Variants in CRACR2A observed in about 807,000 individuals in gnomAD.
CRACR2A encodes the protein calcium release activated channel regulator 2A, also known as EF-hand calcium-binding domain-containing protein 4B.
Under a neutral mutation model 90.5 loss-of-function variants are expected in CRACR2A, and 79 were observed. The observed-to-expected ratio is 0.87, with a 90% CI of 0.73 to 1.05. The LOEUF is 1.05. CRACR2A is among the 50% of genes least tolerant of loss of function. The pLI is 0.00. For synonymous variants in CRACR2A, 338 were observed against 356.7 expected (o/e 0.95, Z 0.59); for missense variants, 823 against 897.2 (o/e 0.92, Z 1.06).
chr12:3,637,106 C>G (rs549465463), intron 14 of CRACR2A, among the ~76,000 whole-genome samples: 2 of 152,282 alleles, frequency 1.3e-5, no homozygotes, highest in Admixed American at 6.5e-5. Flanking sequence ...ATATGGTCTC[C>G]CTTTTCCTAC....
intron 2 of CRACR2A, chr12:3,732,301 CTGAT>C (rs1302143729): frequency 2.0e-5 from 3 of 152,198 alleles, no homozygotes; most frequent in African/African-American, 4.8e-5. Flanking sequence ...AGTTGACAAT[CTGAT>C]TGAAGATTCA....
intron 4 of CRACR2A, among the ~76,000 whole-genome samples, chr12:3,696,400 AT>A (rs1416435187): frequency 6.6e-6 from 1 of 152,218 alleles, no homozygotes. Context: ...GGCTGTACCT[AT>A]TCCTAAGGTA....
rs748460399 is a variant in CRACR2A at position 3,696,855 on chromosome 12, G to C, written c.145C>G (p.Leu49Val). The C allele has an allele frequency of 5.6e-6, 9 of 1,614,196 alleles. 1 individual carries two copies. In the Admixed American group the frequency reaches 1.3e-4, roughly 24 times the overall value. Residue 49 changes from leucine (L) to valine (V), a missense_variant, in exon 4 of 20, where the codon CTA becomes GTA. Physicochemically the swap from Leu to Val is conservative, Grantham distance 32 (BLOSUM62 1). Transcript: ENST00000440314. The part of the protein sequence containing the change: ...KETQEQTSGQ[L>V]VMLRKAQEFF... ...TCCTGTGCCTTCCTCAGCATGACTA[G>C]CTGGCCCGACGTTTGCTCCTGAGTC...
intron 14 of CRACR2A, among the ~76,000 whole-genome samples, chr12:3,636,176 G>T (rs1944451100): frequency 6.6e-6 from 1 of 152,132 alleles, no homozygotes. Context: ...TAGAAGTGCT[G>T]GTTCAAAGGA....
At chr12:3,652,061 TTC>T (rs978395724) in intron 10 of CRACR2A, among the ~76,000 whole-genome samples, 1 of 152,158 alleles carries the variant, frequency 6.6e-6, no homozygotes, top group Admixed American at 6.5e-5. Context: ...GGAGTCATAT[TTC>T]TCTCTTCCTC....
In CRACR2A at chr12:3,679,257, C is replaced by T. The variant is rs140542786; in HGVS notation, c.341-159G>A. Reference sequence around the variant, plus strand: ...ATCCATGGACATGGGTCCGTGGACACGTTCCAGATTCTGTGACTTTTCCAC... The same window carrying T: ...ATCCATGGACATGGGTCCGTGGACATGTTCCAGATTCTGTGACTTTTCCAC... On this transcript the variant is annotated intron_variant, in intron 5 of 19. Transcript: ENST00000440314. 5.3e-5 allele frequency among the ~76,000 whole-genome samples: 8 copies of T among 152,284 alleles called. No homozygotes were observed. The East Asian group carries it at 1.5e-3, about 29-fold the overall frequency.
Position 3,617,024 on chromosome 12 carries a change from T to G in CRACR2A, c.2041A>C (p.Asn681His). ...GLGEQLATEN[N>H]LIFYECSAYS... The stretch of plus-strand genomic sequence containing the variant: ...GCGCTGCATTCATAGAAGATCAGAT[T>G]GTTCTCCTAGAATCATAAAACAGAG... The change falls in exon 19 of 20, where the codon AAT becomes CAT. Residue 681 changes from asparagine (N) to histidine (H), a missense_variant. Coordinates refer to ENST00000440314, the MANE Select transcript of CRACR2A (RefSeq NM_001144958.2). 6.4e-7 allele frequency: 1 copy of G among 1,551,238 alleles called. No individual in the cohort carries two copies.
chr12:3,692,507 C>T lies in CRACR2A; in HGVS notation c.228+4265G>A, dbSNP rs1945666271. Among the ~76,000 whole-genome samples the T allele has an allele frequency of 1.6e-4, 14 of 90,214 alleles. No individual in the cohort carries two copies. In the Admixed American group the frequency reaches 2.5e-3, roughly 16 times the overall value. 59.2% of individuals were successfully genotyped at this position (90,214 alleles called of 152,430 possible). Reference sequence around the variant, plus strand: ...GGCTCCTCAAGGTTAGGAATCCACGCTGGGGGTGGGGGTGGGGTTGGGGGT... The same window carrying T: ...GGCTCCTCAAGGTTAGGAATCCACGTTGGGGGTGGGGGTGGGGTTGGGGGT... On this transcript the variant is annotated intron_variant, in intron 4 of 19. Coordinates refer to ENST00000440314, the MANE Select transcript of CRACR2A (RefSeq NM_001144958.2).
At chr12:3,660,880 AC>A (rs1565479260) in intron 7 of CRACR2A, among the ~76,000 whole-genome samples, 1 of 108,970 alleles carries the variant, frequency 9.2e-6, no homozygotes, top group Non-Finnish European at 2.0e-5. Context: ...ACACACACAC[AC>A]ACACACAATT....
At chr12:3,739,706 C>T (rs963906094) in intron 1 of CRACR2A, among the ~76,000 whole-genome samples, 3 of 151,982 alleles carry the variant, frequency 2.0e-5, no homozygotes, top group Non-Finnish European at 4.4e-5. Flanking sequence ...GAGGCCGAGG[C>T]GGGTGGATCA....
chr12:3,680,155 G>C, intron 5 of CRACR2A, 83 bp downstream of exon 5: 1 of 1,141,184 alleles, frequency 8.8e-7, no homozygotes, highest in Non-Finnish European at 1.3e-6. Flanking sequence ...CTGCCCCCCA[G>C]GTCTACAAGG....
rs959061997 is a variant in CRACR2A, at chr12:3,658,356, G to A, written c.762+1208C>T. Among the ~76,000 whole-genome samples, 102 of 152,214 alleles carry A rather than the reference G, an allele frequency of 6.7e-4. 2 individuals are homozygous for A. The highest frequency in any genetic ancestry group is 7.7e-4 in the East Asian group (4 of 5,162). ...AGCCTCTCTGTGCAGGATGTCATTCGGGATAAAGGGGGTGGCTGTCCGATG... is the reference window on the plus strand; with the variant it reads ...AGCCTCTCTGTGCAGGATGTCATTCAGGATAAAGGGGGTGGCTGTCCGATG... On this transcript the variant is annotated intron_variant, in intron 8 of 19. Coordinates refer to ENST00000440314, the MANE Select transcript of CRACR2A (RefSeq NM_001144958.2).
intron 7 of CRACR2A, among the ~76,000 whole-genome samples, chr12:3,665,675 G>A (rs1945121670): frequency 6.6e-6 from 1 of 152,154 alleles, no homozygotes; most frequent in African/African-American, 2.4e-5. Flanking sequence ...GGGGGGTGGA[G>A]GATCAAGTGG....
chr12:3,673,412 A>G (rs763696803), intron 7 of CRACR2A, 34 bp downstream of exon 7: 1 of 1,591,590 alleles, frequency 6.3e-7, no homozygotes, highest in Non-Finnish European at 8.5e-7. Flanking sequence ...TTTCACACAT[A>G]GTTACAGAAA....
At chr12:3,731,652 C>T (rs1946362569) in intron 2 of CRACR2A, 1 of 152,264 alleles carries the variant, frequency 6.6e-6, no homozygotes, top group Non-Finnish European at 1.5e-5. Flanking sequence ...CATTGAAGTC[C>T]TAACCCCTAG....
chr12:3,653,249 G>A (rs925266338), intron 10 of CRACR2A, among the ~76,000 whole-genome samples: 3 of 152,106 alleles, frequency 2.0e-5, no homozygotes, highest in Non-Finnish European at 1.5e-5. Context: ...CCAAAGTGCT[G>A]GGATTACAGG....
rs1433286800 is a variant in CRACR2A at position 3,660,849 on chromosome 12, C to T, written c.672-1195G>A. Among the ~76,000 whole-genome samples, 6 of 137,900 alleles carry T rather than the reference C, an allele frequency of 4.4e-5. No individual in the cohort carries two copies. In the South Asian group the frequency reaches 9.3e-4, roughly 21 times the overall value. The allele number at this position is 137,900 out of a possible 152,430, so 90.5% of individuals were successfully genotyped here. A position where few individuals can be genotyped will look rare whatever the true frequency, so the allele number is the denominator to read the frequency against. ...CATGCAACACACACACACACACACACACACACACACACACACACACACACA... is the reference window on the plus strand; with the variant it reads ...CATGCAACACACACACACACACACATACACACACACACACACACACACACA... On this transcript the variant is annotated intron_variant, in intron 7 of 19. Coordinates refer to ENST00000440314, the MANE Select transcript of CRACR2A (RefSeq NM_001144958.2).
At chr12:3,709,123 AGAG>A (rs1945973398) in intron 3 of CRACR2A, among the ~76,000 whole-genome samples, 1 of 152,236 alleles carries the variant, frequency 6.6e-6, no homozygotes, top group Non-Finnish European at 1.5e-5. Flanking sequence ...CAGCAGAGGT[AGAG>A]GAGGTGAGAA....
At chr12:3,721,370 CAA>C (rs140016599) in intron 2 of CRACR2A, among the ~76,000 whole-genome samples, 3 of 121,756 alleles carry the variant, frequency 2.5e-5, no homozygotes. Context: ...CCCGTCTCTA[CAA>C]AAAAAAAAAA....
Sources: gnomAD v4.1 joint callset for allele counts (sites outside exome capture counted in the v4.1 genomes callset) on GRCh38, gnomAD v4.1.1 for gene constraint, MANE v1.5 for transcripts, NCBI Gene and HGNC (gene_info 2026-07-23, HGNC 2026-07-21) for gene names.